DENND1B: variants seen among roughly 807,000 people sequenced by gnomAD.
The protein encoded by DENND1B is DENN domain-containing protein 1B.
A neutral mutation model predicts 90.1 loss-of-function variants in DENND1B; 59 were observed. That is an observed-to-expected ratio of 0.65 (90% CI 0.53 to 0.81). The LOEUF (loss-of-function observed/expected upper bound fraction) is 0.81, where lower values mean the gene tolerates loss of function less well. Ranked by LOEUF, DENND1B falls within the 40% of genes least tolerant of loss-of-function variation. DENND1B has a pLI of 0.00. For missense variants in DENND1B, 862 were observed against 912.6 expected (o/e 0.94, Z 0.71); for synonymous variants, 337 against 324.6 (o/e 1.04, Z -0.41).
intron 2 of DENND1B, among the ~76,000 whole-genome samples, chr1:197,728,572 A>C (rs1398582029): frequency 6.6e-6 from 1 of 152,106 alleles, no homozygotes; most frequent in Admixed American, 6.5e-5. Context: ...TTCATCCTCT[A>C]CGTCTAATCA....
At chr1:197,715,183 T>A in intron 2 of DENND1B, 109 bp from the exon 3 acceptor site, 1 of 778,354 alleles carries the variant, frequency 1.3e-6, no homozygotes, top group Non-Finnish European at 2.0e-6. Flanking sequence ...ATTACAACAT[T>A]TAAATTTTTC....
At chr1:197,592,629 T>C (rs933525869) in intron 14 of DENND1B, among the ~76,000 whole-genome samples, 5 of 152,090 alleles carry the variant, frequency 3.3e-5, no homozygotes, top group African/African-American at 9.7e-5. Context: ...AGTAAATGTG[T>C]GGAAGCCTGA....
chr1:197,627,938 G>A (rs1347032194), intron 10 of DENND1B, among the ~76,000 whole-genome samples: 1 of 152,058 alleles, frequency 6.6e-6, no homozygotes, highest in Non-Finnish European at 1.5e-5. Context: ...GCTTCAAAGA[G>A]AATAAAATAC....
chr1:197,676,367 CA>C (rs1015418468), intron 3 of DENND1B, among the ~76,000 whole-genome samples: 6 of 152,062 alleles, frequency 3.9e-5, no homozygotes, highest in African/African-American at 1.4e-4. Context: ...ACATTTATTA[CA>C]AAAGTGTGTG....
At chr1:197,519,738 G>A (rs1668640881) in intron 20 of DENND1B, among the ~76,000 whole-genome samples, 1 of 151,892 alleles carries the variant, frequency 6.6e-6, no homozygotes, top group Admixed American at 6.6e-5. Flanking sequence ...TTAGTTAGAT[G>A]ATGGAAGATG....
chr1:197,698,113 T>C (rs184951624), intron 3 of DENND1B, among the ~76,000 whole-genome samples: 142 of 152,240 alleles, frequency 9.3e-4, no homozygotes, highest in African/African-American at 3.4e-3. Context: ...CAACAGAATA[T>C]ACATTCTTCT....
chr1:197,721,096 G>A (rs2102271710), intron 2 of DENND1B, among the ~76,000 whole-genome samples: 1 of 134,886 alleles, frequency 7.4e-6, no homozygotes, highest in African/African-American at 2.8e-5. Context: ...TTGAGACGGA[G>A]TCTCACTCCG....
chr1:197,514,745 G>A (rs1335981055), intron 20 of DENND1B, among the ~76,000 whole-genome samples: 5 of 151,508 alleles, frequency 3.3e-5, no homozygotes, highest in East Asian at 2.0e-4. Flanking sequence ...GGCCCCATCT[G>A]TTACCAGTGG....
chr1:197,646,153 C>T (rs549459872), intron 8 of DENND1B, among the ~76,000 whole-genome samples: 23 of 151,826 alleles, frequency 1.5e-4, no homozygotes, highest in African/African-American at 3.6e-4. Flanking sequence ...TTGAGGTGGA[C>T]TGGAAAAATT....
intron 20 of DENND1B, among the ~76,000 whole-genome samples, chr1:197,515,803 AG>A (rs1273345414): frequency 1.3e-5 from 2 of 151,806 alleles, no homozygotes. Context: ...TTATTCCAAG[AG>A]AAGTATATAA....
chr1:197,652,987 C>T (rs1653404364), intron 6 of DENND1B, among the ~76,000 whole-genome samples: 1 of 151,830 alleles, frequency 6.6e-6, no homozygotes, highest in Non-Finnish European at 1.5e-5. Flanking sequence ...TCCTTATTCT[C>T]TATTTTCATA....
chr1:197,594,511 T>C (rs377315552), intron 14 of DENND1B, among the ~76,000 whole-genome samples: 16 of 152,296 alleles, frequency 1.1e-4, no homozygotes, highest in African/African-American at 3.8e-4. Flanking sequence ...TTTTATCTCT[T>C]ACAACTTATT....
intron 14 of DENND1B, among the ~76,000 whole-genome samples, chr1:197,592,655 C>T (rs527414760): frequency 1.3e-5 from 2 of 152,116 alleles, no homozygotes; most frequent in South Asian, 2.1e-4. Context: ...TTGGGACATT[C>T]GAAGCCACAG....
chr1:197,695,256 T>C (rs1658310601), intron 3 of DENND1B, among the ~76,000 whole-genome samples: 2 of 151,098 alleles, frequency 1.3e-5, no homozygotes, highest in Non-Finnish European at 3.0e-5. Flanking sequence ...TTGCCCCTTA[T>C]AATGTTTCGT....
intron 18 of DENND1B, among the ~76,000 whole-genome samples, chr1:197,544,943 G>A (rs959805314): frequency 7.8e-3 from 2 of 258 alleles, no homozygotes; most frequent in Admixed American, 0.042. Context: ...AAGAAGAAGG[G>A]AGAAGAGAGA....
chr1:197,732,685 T>A (rs1157990273), intron 2 of DENND1B, among the ~76,000 whole-genome samples: 1 of 152,170 alleles, frequency 6.6e-6, no homozygotes, highest in East Asian at 1.9e-4. Flanking sequence ...GCATAAAACC[T>A]TAATTATTGC....
intron 10 of DENND1B, among the ~76,000 whole-genome samples, chr1:197,625,390 C>T (rs1353174310): frequency 6.6e-6 from 1 of 152,072 alleles, no homozygotes; most frequent in Non-Finnish European, 1.5e-5. Context: ...ATTTTCAACC[C>T]AGAATTTCAT....
chr1:197,611,991 T>C lies in DENND1B; in HGVS notation c.774-15A>G, dbSNP rs767317362. The C allele has an allele frequency of 5.7e-6, 9 of 1,584,580 alleles. No homozygotes were observed. In the African/African-American group the frequency reaches 9.5e-5, roughly 17 times the overall value. On this transcript the variant is annotated splice_polypyrimidine_tract_variant and intron_variant, in intron 11 of 22. Transcript: ENST00000620048. ...GCATTGGGGCACTAAATTAAAAATA[T>C]ATATATGCATAGATTCATATAGTTC...
At chr1:197,525,169 A>T (rs2125621810) in intron 20 of DENND1B, among the ~76,000 whole-genome samples, 1 of 152,254 alleles carries the variant, frequency 6.6e-6, no homozygotes, top group East Asian at 1.9e-4. Flanking sequence ...TGAACTGTTA[A>T]TACTTTTAGC....
Sources: gnomAD v4.1 joint callset for allele counts (sites outside exome capture counted in the v4.1 genomes callset) on GRCh38, gnomAD v4.1.1 for gene constraint, MANE v1.5 for transcripts, NCBI Gene and HGNC (gene_info 2026-07-23, HGNC 2026-07-21) for gene names.